Variants in GBP7 observed in about 807,000 individuals in gnomAD.
The protein encoded by GBP7 is guanylate-binding protein 7.
GBP7 carries 43 observed loss-of-function variants against 61.3 expected under a neutral mutation model. That is an observed-to-expected ratio of 0.70 (90% confidence interval 0.55 to 0.91). GBP7 has a LOEUF of 0.91. GBP7 is among the 40% of genes least tolerant of loss of function. The pLI, the probability that GBP7 is intolerant of heterozygous loss-of-function variation, is 0.00. For synonymous variants in GBP7, 267 were observed against 271.0 expected (o/e 0.99, Z 0.14); for missense variants, 717 against 740.5 (o/e 0.97, Z 0.37).
rs1180937099 is a variant in GBP7 at position 89,132,366 on chromosome 1, A to C, written c.1700T>G (p.Ile567Arg). ...AATCTCTTCATTTAACGACTCAAAT[A>C]TCTCTTTAAATCCTTCAGTAAGCAG... is the stretch of plus-strand genomic sequence containing the variant. ...EELLTEGFKE[I>R]FESLNEEINR... Residue 567 changes from isoleucine to arginine, a missense_variant, in exon 11 of 11, where the codon ATA becomes AGA. Physicochemically the swap from Ile to Arg is moderately conservative, Grantham distance 97. Coordinates refer to ENST00000294671, the MANE Select transcript of GBP7 (RefSeq NM_207398.3). 4 of 1,611,584 alleles carry C rather than the reference A, an allele frequency of 2.5e-6. No individual in the cohort carries two copies. In the Admixed American group the frequency reaches 6.7e-5, roughly 27 times the overall value.
chr1:89,138,406 G>A (rs1398722905), intron 9 of GBP7, among the ~76,000 whole-genome samples: 3 of 152,024 alleles, frequency 2.0e-5, no homozygotes, highest in Non-Finnish European at 4.4e-5. Context: ...CATGACTTGA[G>A]TTTAAACTAT....
At chr1:89,145,002 G>A (rs1682034477) in intron 8 of GBP7, among the ~76,000 whole-genome samples, 1 of 148,138 alleles carries the variant, frequency 6.8e-6, no homozygotes, top group Admixed American at 6.7e-5. Context: ...CACCAAGGTG[G>A]AGTGCAGTGG....
chr1:89,141,787 C>T lies in GBP7; in HGVS notation c.1366-139G>A, dbSNP rs1406110800. 1.1e-5 allele frequency: 7 copies of T among 656,568 alleles called. No individual in the cohort carries two copies. In the African/African-American group the frequency reaches 1.3e-4, roughly 13 times the overall value. 40.7% of individuals were successfully genotyped at this position (656,568 alleles called of 1,614,324 possible). A position where few individuals can be genotyped will look rare whatever the true frequency, so the allele number is the denominator to read the frequency against. On this transcript the variant is annotated intron_variant, in intron 8 of 10. Coordinates refer to ENST00000294671, the MANE Select transcript of GBP7 (RefSeq NM_207398.3). ...CTTAAGATTCCACAGTGGTTTCTTT[C>T]CTTCCACAGCCACAATAAAAAGTCC...
At chr1:89,155,469 G>A (rs1179699846) in intron 3 of GBP7, among the ~76,000 whole-genome samples, 1 of 152,188 alleles carries the variant, frequency 6.6e-6, no homozygotes, top group African/African-American at 2.4e-5. Flanking sequence ...AAAAAGATTA[G>A]ACGAATGGCT....
intron 4 of GBP7, 82 bp from the exon 5 acceptor site, chr1:89,152,546 C>T (rs1682228248): frequency 4.0e-6 from 6 of 1,509,420 alleles, no homozygotes; most frequent in Admixed American, 3.5e-5. Context: ...TACACATTCC[C>T]TTTTGCACTG....
Position 89,150,375 on chromosome 1 carries a change from C to T in GBP7, c.826G>A (p.Ala276Thr). The change falls in exon 6 of 11, where the codon GCA (alanine) becomes ACA (threonine). Residue 276 changes from alanine to threonine, a missense_variant. Coordinates refer to ENST00000294671, the MANE Select transcript of GBP7 (RefSeq NM_207398.3). ...ENFCSYIFTH[A>T]KTKTLREGIL... ...CCCTCTCTCAGGGTCTTGGTCTTTG[C>T]ATGGGTGAAGATATAAGAACAGAAA... The T allele has an allele frequency of 6.2e-7, 1 of 1,613,966 alleles. No homozygotes were observed. Among genetic ancestry groups the T allele is most frequent in the Non-Finnish European group, 8.5e-7 (1 of 1,179,870 alleles).
At chr1:89,148,583 T>G (rs74577402) in intron 7 of GBP7, among the ~76,000 whole-genome samples, 3,256 of 152,356 alleles carry the variant, frequency 0.021, 35 homozygotes, top group Middle Eastern at 0.048. Context: ...TTGTTTACCT[T>G]GAGGCAGAAG....
In GBP7 at chr1:89,141,616, T is replaced by C. The variant is rs1314292396; in HGVS notation, c.1398A>G (p.Ser466=). The C allele has an allele frequency of 6.2e-7, 1 of 1,613,690 alleles. No homozygotes were observed. The highest frequency in any genetic ancestry group is 1.3e-5 in the African/African-American group (1 of 74,882). Residue 466 remains serine (S), a synonymous_variant, in exon 9 of 11, where the codon TCA becomes TCG. Coordinates refer to ENST00000294671, the MANE Select transcript of GBP7 (RefSeq NM_207398.3). ...GGATGGATTCCTCTATAACCACCTG[T>C]GACTGCAGGAAGCTCTGGAGGACCT... ...ADEVLQSFLQ[S]QVVIEESILQ...
At chr1:89,146,590 A>G (rs1255242963) in intron 8 of GBP7, among the ~76,000 whole-genome samples, 1 of 152,204 alleles carries the variant, frequency 6.6e-6, no homozygotes. Context: ...ACACAACAAA[A>G]CAAAATACAA....
chr1:89,132,226 G>A lies in GBP7; in HGVS notation c.1840C>T (p.Leu614=). 9 of 1,613,242 alleles carry A rather than the reference G, an allele frequency of 5.6e-6. No homozygotes were observed. Among genetic ancestry groups the A allele is most frequent in the Non-Finnish European group, 6.8e-6 (8 of 1,179,302 alleles). The change falls in exon 11 of 11, where the codon CTA becomes TTA. Residue 614 remains leucine (L), a synonymous_variant. Coordinates refer to ENST00000294671, the MANE Select transcript of GBP7 (RefSeq NM_207398.3). ...FIAALPGAAK[L]VDLGMKILSS... is the part of the protein sequence containing the mutation. ...AGAATTTTCATTCCTAAATCAACTA[G>A]CTTAGCAGCCCCAGGTAGTGCTGCA... is the stretch of plus-strand genomic sequence containing the variant.
chr1:89,160,156 AAC>A (rs1682405702), intron 3 of GBP7, among the ~76,000 whole-genome samples: 1 of 152,190 alleles, frequency 6.6e-6, no homozygotes, highest in African/African-American at 2.4e-5. Context: ...GTGGGAATTG[AAC>A]AATGAGATCA....
At chr1:89,167,418 A>C (rs1253873903) in intron 2 of GBP7, among the ~76,000 whole-genome samples, 1 of 151,144 alleles carries the variant, frequency 6.6e-6, no homozygotes, top group Non-Finnish European at 1.5e-5. Flanking sequence ...TCTGGTGAGT[A>C]CTCTGTGTTT....
In GBP7 at chr1:89,143,571, A is replaced by G. The variant is rs532338693; in HGVS notation, c.1366-1923T>C. ...GTTCGGGGTAATTTATAAAGCAAAG[A>G]GGTTTAATGGGCTCATAGTTCTGCA... On this transcript the variant is annotated intron_variant, in intron 8 of 10. Coordinates refer to ENST00000294671, the MANE Select transcript of GBP7 (RefSeq NM_207398.3). Among the ~76,000 whole-genome samples the G allele has an allele frequency of 2.2e-4, 34 of 152,302 alleles. No homozygotes were observed. The East Asian group carries it at 5.8e-3, about 26-fold the overall frequency.
intron 8 of GBP7, among the ~76,000 whole-genome samples, chr1:89,146,771 A>G (rs1301679189): frequency 2.0e-5 from 3 of 152,204 alleles, no homozygotes; most frequent in Non-Finnish European, 2.9e-5. Context: ...GATGATTATC[A>G]AAAAGTCAAA....
intron 6 of GBP7, 125 bp downstream of exon 6, chr1:89,150,205 C>T: frequency 1.1e-6 from 1 of 876,684 alleles, no homozygotes; most frequent in Non-Finnish European, 1.8e-6. Context: ...AAATCCTTCA[C>T]TTATCCCACA....
chr1:89,164,714 C>T lies in GBP7; in HGVS notation c.318+17G>A. Reference sequence around the variant, plus strand: ...AGAATCAAAGGTAAAGAAGATTTCTCTATGTCTCTTTCTTACCTTTTCCAT... The same window carrying T: ...AGAATCAAAGGTAAAGAAGATTTCTTTATGTCTCTTTCTTACCTTTTCCAT... On this transcript the variant is annotated intron_variant, in intron 3 of 10. Coordinates refer to ENST00000294671, the MANE Select transcript of GBP7 (RefSeq NM_207398.3). 6.2e-7 allele frequency: 1 copy of T among 1,612,130 alleles called. No individual in the cohort carries two copies. Among genetic ancestry groups the T allele is most frequent in the Non-Finnish European group, 8.5e-7 (1 of 1,178,484 alleles).
chr1:89,144,198 C>T (rs960809430), intron 8 of GBP7, among the ~76,000 whole-genome samples: 1 of 152,046 alleles, frequency 6.6e-6, no homozygotes, highest in African/African-American at 2.4e-5. Flanking sequence ...TTTCTGCAAA[C>T]GACATGATTT....
intron 8 of GBP7, among the ~76,000 whole-genome samples, chr1:89,142,057 C>G (rs1169120862): frequency 6.6e-6 from 1 of 152,132 alleles, no homozygotes; most frequent in African/African-American, 2.4e-5. Context: ...TAGCTCTTAC[C>G]TCACTGGAAG....
intron 9 of GBP7, among the ~76,000 whole-genome samples, chr1:89,140,305 G>A (rs933784605): frequency 1.8e-5 from 2 of 111,650 alleles, no homozygotes; most frequent in African/African-American, 6.7e-5. Context: ...TGGGGGGAGG[G>A]GGGAGGGATA....
Sources: gnomAD v4.1 joint callset for allele counts (sites outside exome capture counted in the v4.1 genomes callset) on GRCh38, gnomAD v4.1.1 for gene constraint, MANE v1.5 for transcripts, NCBI Gene and HGNC (gene_info 2026-07-23, HGNC 2026-07-21) for gene names.